Variants in SKAP1 observed in about 807,000 individuals in gnomAD.
SKAP1 encodes src kinase associated phosphoprotein 1.
In SKAP1, 44 loss-of-function variants were observed where a neutral mutation model predicts 58.5. The observed-to-expected ratio is 0.75, with a 90% CI of 0.59 to 0.97. The LOEUF is 0.97. SKAP1 is among the 50% of genes least tolerant of loss of function. The pLI is 0.00. For missense variants in SKAP1, 390 were observed against 435.2 expected (o/e 0.90, Z 0.92); for synonymous variants, 127 against 149.7 (o/e 0.85, Z 1.11).
intron 4 of SKAP1, among the ~76,000 whole-genome samples, chr17:48,226,920 C>T (rs1339608163): frequency 3.9e-5 from 6 of 152,166 alleles, no homozygotes; most frequent in Admixed American, 1.3e-4. Flanking sequence ...GTTGCGATTC[C>T]AATTACCTCT....
chr17:48,281,641 G>C (rs2065768508), intron 4 of SKAP1, among the ~76,000 whole-genome samples: 1 of 152,072 alleles, frequency 6.6e-6, no homozygotes, highest in Admixed American at 6.5e-5. Context: ...AATTAACACT[G>C]TGGCCACCAT....
At chr17:48,444,255 G>A in the SKAP1 span, among the ~76,000 whole-genome samples, 2 of 152,254 alleles carry the variant, frequency 1.3e-5, no homozygotes, top group African/African-American at 2.4e-5. Context: ...TTAGCTGGGC[G>A]TGGTGGCATG....
intron 8 of SKAP1, 75 bp from the exon 9 acceptor site, chr17:48,180,323 G>A: frequency 9.1e-7 from 1 of 1,104,178 alleles, no homozygotes; most frequent in Non-Finnish European, 1.3e-6. Flanking sequence ...AGAGGGAGAA[G>A]GAGGAGGAGG....
intron 4 of SKAP1, among the ~76,000 whole-genome samples, chr17:48,342,134 T>A (rs2066661629): frequency 6.6e-6 from 1 of 152,242 alleles, no homozygotes; most frequent in Non-Finnish European, 1.5e-5. Context: ...GCTCTTGTAC[T>A]AAGTATTGTG....
At chr17:48,255,189 T>C (rs888028893) in intron 4 of SKAP1, among the ~76,000 whole-genome samples, 6 of 152,026 alleles carry the variant, frequency 3.9e-5, no homozygotes, top group African/African-American at 9.7e-5. Context: ...ATCTTGTTTT[T>C]AATTAACAGA....
chr17:48,239,868 G>C (rs2065226867), intron 4 of SKAP1, among the ~76,000 whole-genome samples: 1 of 151,844 alleles, frequency 6.6e-6, no homozygotes, highest in Non-Finnish European at 1.5e-5. Context: ...GAGAGAGAGA[G>C]AGAGAGAGAA....
chr17:48,170,983 A>T (rs1370738320), intron 9 of SKAP1, among the ~76,000 whole-genome samples: 1 of 151,618 alleles, frequency 6.6e-6, no homozygotes, highest in Non-Finnish European at 1.5e-5. Flanking sequence ...TTGGGATTAC[A>T]GGTGTGAGCT....
chr17:48,264,003 G>A (rs1296765275), intron 4 of SKAP1, among the ~76,000 whole-genome samples: 5 of 151,604 alleles, frequency 3.3e-5, no homozygotes, highest in African/African-American at 1.2e-4. Flanking sequence ...CCCTTCTACT[G>A]TTTTAGGGCC....
chr17:48,145,146 T>C (rs867503959), intron 11 of SKAP1, among the ~76,000 whole-genome samples: 9 of 152,124 alleles, frequency 5.9e-5, no homozygotes, highest in African/African-American at 2.2e-4. Flanking sequence ...TATGGTTTGT[T>C]CTCCTCATAA....
intron 2 of SKAP1, among the ~76,000 whole-genome samples, chr17:48,367,066 T>A (rs1486097202): frequency 2.6e-5 from 4 of 152,198 alleles, no homozygotes; most frequent in African/African-American, 7.2e-5. Context: ...CCACTCCAAC[T>A]AACACAGATT....
chr17:48,248,647 C>T (rs1297588046), intron 4 of SKAP1, among the ~76,000 whole-genome samples: 2 of 151,990 alleles, frequency 1.3e-5, no homozygotes, highest in Non-Finnish European at 2.9e-5. Flanking sequence ...GCCAAGGAGC[C>T]TATGTGATTA....
Position 48,180,268 on chromosome 17 carries a change from A to G in SKAP1, c.632-20T>C. On this transcript the variant is annotated intron_variant, in intron 8 of 12. Coordinates refer to ENST00000336915, the MANE Select transcript of SKAP1 (RefSeq NM_003726.4). Reference sequence around the variant, plus strand: ...TCAGATCTAACAAGGCAAAGATGAGAATGAATCAAGAAACAGAGAAAAAGA... The same window carrying G: ...TCAGATCTAACAAGGCAAAGATGAGGATGAATCAAGAAACAGAGAAAAAGA... The G allele has an allele frequency of 6.6e-7, 1 of 1,519,336 alleles. No individual in the cohort carries two copies. The highest frequency in any genetic ancestry group is 2.4e-5 in the East Asian group (1 of 41,030). The allele number at this position is 1,519,336 out of a possible 1,614,324, so 94.1% of individuals were successfully genotyped here.
chr17:48,343,264 T>C (rs573430533), intron 4 of SKAP1, among the ~76,000 whole-genome samples: 1 of 152,328 alleles, frequency 6.6e-6, no homozygotes, highest in Middle Eastern at 3.4e-3. Flanking sequence ...TACCATTCTC[T>C]ATAATGGTAA....
the SKAP1 span, among the ~76,000 whole-genome samples, chr17:48,439,839 G>A: frequency 2.6e-5 from 4 of 152,296 alleles, no homozygotes; most frequent in Admixed American, 6.5e-5. Context: ...GTGTTCTTGC[G>A]AGAAAATGCT....
At chr17:48,347,664 C>T (rs953723603) in intron 3 of SKAP1, among the ~76,000 whole-genome samples, 4 of 152,140 alleles carry the variant, frequency 2.6e-5, no homozygotes, top group African/African-American at 9.6e-5. Flanking sequence ...GAAATACTCT[C>T]TTTTATTAGT....
chr17:48,346,643 T>A (rs1470531603), intron 3 of SKAP1, among the ~76,000 whole-genome samples: 3 of 151,914 alleles, frequency 2.0e-5, no homozygotes, highest in Non-Finnish European at 4.4e-5. Context: ...AAGAATTAAA[T>A]TTATATTCAT....
intron 11 of SKAP1, among the ~76,000 whole-genome samples, chr17:48,148,604 G>A (rs1416821749): frequency 1.3e-5 from 2 of 152,168 alleles, no homozygotes; most frequent in African/African-American, 2.4e-5. Flanking sequence ...TCTGTGCTGC[G>A]TATTTCTCCA....
chr17:48,319,857 G>GAACA (rs1479875303), intron 4 of SKAP1, among the ~76,000 whole-genome samples: 1 of 151,620 alleles, frequency 6.6e-6, no homozygotes, highest in East Asian at 1.9e-4. Flanking sequence ...ACAAACAAAC[G>GAACA]AACAAACAAA....
At chr17:48,190,616 A>C (rs908576612) in intron 4 of SKAP1, among the ~76,000 whole-genome samples, 3 of 152,132 alleles carry the variant, frequency 2.0e-5, no homozygotes, top group African/African-American at 7.2e-5. Flanking sequence ...TGTGAACATA[A>C]ATTTTTTTAA....
Sources: gnomAD v4.1 joint callset for allele counts (sites outside exome capture counted in the v4.1 genomes callset) on GRCh38, gnomAD v4.1.1 for gene constraint, MANE v1.5 for transcripts, NCBI Gene and HGNC (gene_info 2026-07-23, HGNC 2026-07-21) for gene names.